The following NECAB2 variants were observed in gnomAD, a reference collection of about 807,000 sequenced individuals.
NECAB2 encodes N-terminal EF-hand calcium-binding protein 2.
Under a neutral mutation model 51.9 loss-of-function variants are expected in NECAB2, and 68 were observed. That is an observed-to-expected ratio of 1.31 (90% CI 1.08 to 1.60). The LOEUF (loss-of-function observed/expected upper bound fraction) is 1.60. Ranked by LOEUF, NECAB2 falls within the 40% of genes most tolerant of loss-of-function variation. The probability of loss-of-function intolerance (pLI) is 0.00; values close to 1 mark genes in which losing one functional copy is unlikely to be tolerated. For synonymous variants in NECAB2, 329 were observed against 203.5 expected, an observed-to-expected ratio of 1.62 and a Z score of -5.25; for missense variants, 854 against 490.3, an observed-to-expected ratio of 1.74 and a Z score of -7.00.
intron 2 of NECAB2, 57 bp from the exon 3 acceptor site, chr16:83,978,387 C>T: frequency 4.1e-6 from 6 of 1,457,364 alleles, no homozygotes; most frequent in South Asian, 1.2e-5. Context: ...CATGCACTAG[C>T]CCCACCAGCC....
intron 2 of NECAB2, among the ~76,000 whole-genome samples, chr16:83,973,927 C>T (rs1201675066): frequency 6.6e-6 from 1 of 152,086 alleles, no homozygotes; most frequent in Non-Finnish European, 1.5e-5. Context: ...GTGTGCAGCT[C>T]TGCAGGAGCC....
At chr16:83,976,934 A>C (rs972464754) in intron 2 of NECAB2, among the ~76,000 whole-genome samples, 3 of 152,066 alleles carry the variant, frequency 2.0e-5, no homozygotes, top group African/African-American at 7.2e-5. Context: ...TTTAAGAATG[A>C]CTCATTCTCA....
Position 84,002,303 on chromosome 16 carries a change from T to C in NECAB2, c.1133-15T>C, listed in dbSNP as rs2084853846. Reference sequence around the variant, plus strand: ...ATTCGCACTCCTTCCCTCTAACGTGTCTCTCTCCTTTTAGCTGCTTGGTGC... The same window carrying C: ...ATTCGCACTCCTTCCCTCTAACGTGCCTCTCTCCTTTTAGCTGCTTGGTGC... On this transcript the variant is annotated splice_polypyrimidine_tract_variant and intron_variant, in intron 12 of 12. Transcript: ENST00000305202. The C allele has an allele frequency of 6.2e-7, 1 of 1,613,618 alleles. No homozygotes were observed. Among genetic ancestry groups the C allele is most frequent in the Admixed American group, 1.7e-5 (1 of 59,982 alleles).
At chr16:83,999,653 G>C (rs1369508244) in intron 10 of NECAB2, among the ~76,000 whole-genome samples, 1 of 152,104 alleles carries the variant, frequency 6.6e-6, no homozygotes, top group Non-Finnish European at 1.5e-5. Context: ...AGGATTCTGG[G>C]GCGGCATAGA....
chr16:84,000,344 A>C (rs1296703414), intron 10 of NECAB2, among the ~76,000 whole-genome samples: 1 of 131,934 alleles, frequency 7.6e-6, no homozygotes, highest in East Asian at 2.0e-4. Flanking sequence ...AGCATGGGGA[A>C]CATAGCAAGA....
intron 5 of NECAB2, among the ~76,000 whole-genome samples, chr16:83,986,110 G>C (rs1399050072): frequency 1.3e-5 from 2 of 152,034 alleles, no homozygotes; most frequent in Non-Finnish European, 2.9e-5. Context: ...TCTGCTTCCT[G>C]GGTTAAAGCG....
At chr16:83,979,410 G>A (rs1447009610) in intron 3 of NECAB2, among the ~76,000 whole-genome samples, 1 of 152,220 alleles carries the variant, frequency 6.6e-6, no homozygotes, top group Non-Finnish European at 1.5e-5. Context: ...TACAGTGGTG[G>A]TTTGGACCAG....
chr16:83,996,264 G>C (rs1459865646), intron 8 of NECAB2, among the ~76,000 whole-genome samples: 3 of 152,294 alleles, frequency 2.0e-5, no homozygotes, highest in East Asian at 1.9e-4. Flanking sequence ...AAACAGACTT[G>C]TTCCTGCCAG....
intron 8 of NECAB2, among the ~76,000 whole-genome samples, chr16:83,994,909 G>T (rs2084676208): frequency 6.6e-6 from 1 of 152,196 alleles, no homozygotes; most frequent in African/African-American, 2.4e-5. Context: ...CCTGGGAAGA[G>T]AGAGTGTTGG....
At chr16:83,982,583 C>T (rs1355618302) in intron 5 of NECAB2, among the ~76,000 whole-genome samples, 1 of 152,156 alleles carries the variant, frequency 6.6e-6, no homozygotes, top group Non-Finnish European at 1.5e-5. Flanking sequence ...CTCCTTGAGC[C>T]TCGGTTTTCT....
intron 9 of NECAB2, 68 bp from the exon 10 acceptor site, chr16:83,998,137 G>A: frequency 2.1e-6 from 3 of 1,399,580 alleles, no homozygotes; most frequent in Non-Finnish European, 3.0e-6. Flanking sequence ...GGTCATGGGG[G>A]CCTGATGGGG....
upstream of NECAB2, chr16:83,966,087 A>G (rs1427290130): frequency 1.2e-5 from 15 of 1,200,568 alleles, no homozygotes; most frequent in East Asian, 7.7e-5. Context: ...GACCCGTCCA[A>G]AGATGCCCCG....
rs560033093 is a variant in NECAB2, at chr16:83,971,712, A to G, written c.202-439A>G. ...AAACACCTCTGTCGGACTTTGCCCA[A>G]CCTCCCTGGAAACACACCAGGGGTT... is the stretch of plus-strand genomic sequence containing the variant. On this transcript the variant is annotated intron_variant, in intron 1 of 12. Coordinates refer to ENST00000305202, the MANE Select transcript of NECAB2 (RefSeq NM_019065.3). The G allele has an allele frequency of 8.1e-5, 16 of 198,182 alleles. No homozygotes were observed. The South Asian group carries it at 9.2e-4, about 11-fold the overall frequency. The allele number at this position is 198,182 out of a possible 1,614,324, so 12.3% of individuals were successfully genotyped here.
At chr16:83,965,205 G>A, upstream of NECAB2, 1 of 1,613,174 alleles carries the variant, frequency 6.2e-7, no homozygotes, top group Admixed American at 1.7e-5. Flanking sequence ...CCCAGCAGCT[G>A]TGGGGCCCAG....
Position 83,994,584 on chromosome 16 carries a change from CTG to C in NECAB2, c.716-19_716-18del, listed in dbSNP as rs535168553. The stretch of plus-strand genomic sequence containing the variant: ...CCCTCGTCCTGCCCACCACTGAAGT[CTG>C]TGTGTCTCTTTCTCTACCGCAGCCA... On this transcript the variant is annotated intron_variant, in intron 7 of 12. Coordinates refer to ENST00000305202, the MANE Select transcript of NECAB2 (RefSeq NM_019065.3). The C allele has an allele frequency of 1.0e-3, 1,626 of 1,613,844 alleles. 23 individuals carry two copies. In the South Asian group the frequency reaches 0.017, roughly 17 times the overall value.
intron 10 of NECAB2, among the ~76,000 whole-genome samples, chr16:84,000,402 C>T (rs1019856736): frequency 6.6e-6 from 1 of 152,042 alleles, no homozygotes; most frequent in Non-Finnish European, 1.5e-5. Context: ...GTGGTGCACT[C>T]CTCTAGTCCC....
chr16:83,996,962 C>T (rs1256016041), intron 8 of NECAB2, among the ~76,000 whole-genome samples: 1 of 152,046 alleles, frequency 6.6e-6, no homozygotes, highest in Non-Finnish European at 1.5e-5. Flanking sequence ...GTGGCAAACC[C>T]CAGCATCTTG....
At chr16:83,975,723 C>T (rs926018162) in intron 2 of NECAB2, among the ~76,000 whole-genome samples, 2 of 152,104 alleles carry the variant, frequency 1.3e-5, no homozygotes, top group African/African-American at 4.8e-5. Context: ...ACAGCATTTC[C>T]CTTCAGGGAC....
intron 10 of NECAB2, 115 bp downstream of exon 10, chr16:83,998,432 A>C (rs561464561): frequency 7.4e-6 from 7 of 946,244 alleles, no homozygotes; most frequent in East Asian, 2.6e-5. Context: ...CCCCAGGGAC[A>C]CACACAGCTG....
Sources: allele counts gnomAD v4.1 joint callset (sites outside exome capture counted in the v4.1 genomes callset), GRCh38; gene constraint gnomAD v4.1.1; transcripts MANE v1.5; gene names NCBI Gene and HGNC (gene_info 2026-07-23, HGNC 2026-07-21).